The following FKTN variants were observed in gnomAD, a reference collection of about 807,000 sequenced individuals.
FKTN encodes the protein fukutin.
In FKTN, 47 loss-of-function variants were observed where a neutral mutation model predicts 58.6. That is an observed-to-expected ratio of 0.80 (90% CI 0.63 to 1.02). FKTN has a LOEUF of 1.02. FKTN is among the 50% of genes least tolerant of loss of function. FKTN has a pLI of 0.00. For missense variants in FKTN, 516 were observed against 537.3 expected (o/e 0.96, Z 0.39); for synonymous variants, 178 against 191.9 (o/e 0.93, Z 0.60).
At chr9:105,572,971 A>T (rs548134310) in intron 1 of FKTN, among the ~76,000 whole-genome samples, 73 of 152,260 alleles carry the variant, frequency 4.8e-4, no homozygotes, top group African/African-American at 1.7e-3. Flanking sequence ...GCCGTGGCTC[A>T]TGCCTGTAAT....
intron 3 of FKTN, among the ~76,000 whole-genome samples, chr9:105,582,231 A>C (rs576625643): frequency 1.2e-4 from 18 of 151,940 alleles, no homozygotes; most frequent in Non-Finnish European, 2.5e-4. Context: ...TCGCTTCGTC[A>C]CCCAGGCTGA....
At chr9:105,567,824 G>A (rs1029656144) in intron 1 of FKTN, among the ~76,000 whole-genome samples, 10 of 152,116 alleles carry the variant, frequency 6.6e-5, no homozygotes, top group African/African-American at 1.9e-4. Flanking sequence ...AAAAGAGCCC[G>A]CCTTGCCAAG....
chr9:105,583,010 C>T (rs1463494554), intron 3 of FKTN, among the ~76,000 whole-genome samples: 2 of 152,176 alleles, frequency 1.3e-5, no homozygotes, highest in African/African-American at 2.4e-5. Flanking sequence ...TGTGATCTAG[C>T]AGGCTTCTAG....
intron 8 of FKTN, 147 bp from the exon 9 acceptor site, chr9:105,617,812 G>C: frequency 1.7e-6 from 1 of 587,780 alleles, no homozygotes; most frequent in South Asian, 2.1e-5. Context: ...ACTTGAGCCA[G>C]GAGTTTGCGT....
intron 8 of FKTN, 58 bp downstream of exon 8, chr9:105,615,465 G>A: frequency 3.2e-6 from 5 of 1,547,052 alleles, no homozygotes; most frequent in Non-Finnish European, 4.5e-6. Flanking sequence ...TGGCTTTAGG[G>A]ATTACTGCTT....
At chr9:105,608,487 T>C (rs541472856) in intron 7 of FKTN, among the ~76,000 whole-genome samples, 2 of 152,358 alleles carry the variant, frequency 1.3e-5, no homozygotes, top group African/African-American at 4.8e-5. Context: ...CGCAGGCTTC[T>C]GGCCCTGGGG....
chr9:105,579,487 T>A (rs1351635612), intron 3 of FKTN, among the ~76,000 whole-genome samples: 9 of 151,976 alleles, frequency 5.9e-5, no homozygotes, highest in African/African-American at 1.9e-4. Flanking sequence ...TGAGTGAGTT[T>A]CTTAATCCTG....
rs761317265 is a variant in FKTN at position 105,575,013 on chromosome 9, C to G, written c.-20C>G. ...GACTGAGATACTTTCAAAAGACAAC[C>G]AAGTGAGCAGCACAGACTAATGAGT... On this transcript the variant is annotated 5_prime_UTR_variant, in exon 3 of 11. Transcript: ENST00000357998. 7.5e-7 allele frequency: 1 copy of G among 1,325,482 alleles called. No individual in the cohort carries two copies. Among genetic ancestry groups the G allele is most frequent in the Non-Finnish European group, 1.1e-6 (1 of 917,358 alleles). The allele number at this position is 1,325,482 out of a possible 1,614,324, so 82.1% of individuals were successfully genotyped here.
chr9:105,604,814 T>A (rs1412703778), intron 6 of FKTN, among the ~76,000 whole-genome samples: 2 of 151,732 alleles, frequency 1.3e-5, no homozygotes, highest in Non-Finnish European at 2.9e-5. Flanking sequence ...AAATTATCCA[T>A]GCATTGTGGT....
At chr9:105,565,165 G>A (rs537279756) in intron 1 of FKTN, among the ~76,000 whole-genome samples, 3 of 152,232 alleles carry the variant, frequency 2.0e-5, no homozygotes, top group African/African-American at 7.2e-5. Context: ...ACATGGAAAG[G>A]AACAGCCGAT....
rs571922431 is a variant in FKTN, at chr9:105,601,021, G to A, written c.166-124G>A. On this transcript the variant is annotated intron_variant, in intron 4 of 10. Transcript: ENST00000357998. ...AATCATTTGTATTTTTTAGCACAAT[G>A]ATAAGCATGGTATCTATTGGGTAAC... 357 of 649,526 alleles carry A rather than the reference G, an allele frequency of 5.5e-4. 3 individuals are homozygous for A. The highest frequency in any genetic ancestry group is 4.6e-3 in the Middle Eastern group (11 of 2,408). The allele number at this position is 649,526 out of a possible 1,614,324, so 40.2% of individuals were successfully genotyped here. A position where few individuals can be genotyped will look rare whatever the true frequency, so the allele number is the denominator to read the frequency against.
rs1277462941 is a variant in FKTN at position 105,637,467 on chromosome 9, A to C, written c.*2203A>C. ...TTCCACCCTAACTTGGGGAAACAAA[A>C]GCCTTCTCTAGAATCTGAAGGCCAG... On this transcript the variant is annotated 3_prime_UTR_variant, in exon 11 of 11. Coordinates refer to ENST00000357998, the MANE Select transcript of FKTN (RefSeq NM_001079802.2). The C allele has an allele frequency of 1.0e-6, 1 of 985,346 alleles. No homozygotes were observed. The highest frequency in any genetic ancestry group is 1.7e-5 in the African/African-American group (1 of 57,252). The allele number at this position is 985,346 out of a possible 1,614,324, so 61.0% of individuals were successfully genotyped here. A position where few individuals can be genotyped will look rare whatever the true frequency, so the allele number is the denominator to read the frequency against.
intron 9 of FKTN, 94 bp downstream of exon 9, chr9:105,618,186 AC>A: frequency 9.8e-7 from 1 of 1,021,250 alleles, no homozygotes; most frequent in Non-Finnish European, 1.5e-6. Context: ...AATGCTACAT[AC>A]ATAATTTTAT....
intron 5 of FKTN, 50 bp downstream of exon 5, chr9:105,601,398 G>T: frequency 7.7e-7 from 1 of 1,299,832 alleles, no homozygotes; most frequent in Non-Finnish European, 1.1e-6. Flanking sequence ...TTACAAAATA[G>T]TATAGGTTTA....
At chr9:105,631,470 G>A (rs541636175) in intron 10 of FKTN, among the ~76,000 whole-genome samples, 11 of 152,072 alleles carry the variant, frequency 7.2e-5, no homozygotes, top group East Asian at 1.9e-4. Flanking sequence ...AGCCAGGTTC[G>A]GGAACAGGCA....
intron 3 of FKTN, among the ~76,000 whole-genome samples, chr9:105,592,318 C>A (rs776273647): frequency 6.6e-6 from 1 of 152,156 alleles, no homozygotes; most frequent in African/African-American, 2.4e-5. Context: ...AGCAGCCAGG[C>A]CAGATCTTGA....
At chr9:105,614,859 G>C (rs1022521763) in intron 7 of FKTN, among the ~76,000 whole-genome samples, 2 of 150,216 alleles carry the variant, frequency 1.3e-5, no homozygotes, top group Non-Finnish European at 1.5e-5. Context: ...TATGGGGTTA[G>C]TTTTCTTTTT....
chr9:105,604,053 G>T (rs1828396861), intron 5 of FKTN, among the ~76,000 whole-genome samples, 162 bp from the exon 6 acceptor site: 1 of 152,014 alleles, frequency 6.6e-6, no homozygotes, highest in Non-Finnish European at 1.5e-5. Context: ...ACTACCTTCT[G>T]CCCATCACCC....
chr9:105,571,422 G>A (rs946835134), intron 1 of FKTN, among the ~76,000 whole-genome samples: 4 of 152,014 alleles, frequency 2.6e-5, no homozygotes, highest in Admixed American at 2.0e-4. Flanking sequence ...AATTGCCTTG[G>A]CATTTATAGA....
Sources: allele counts gnomAD v4.1 joint callset (sites outside exome capture counted in the v4.1 genomes callset), GRCh38; gene constraint gnomAD v4.1.1; transcripts MANE v1.5; gene names NCBI Gene and HGNC (gene_info 2026-07-23, HGNC 2026-07-21).